Variants in TRRAP observed in about 807,000 individuals in gnomAD.
The protein encoded by TRRAP is transformation/transcription domain-associated protein.
Under a neutral mutation model 438.8 loss-of-function variants are expected in TRRAP, and 41 were observed. The observed-to-expected ratio is 0.09, with a 90% CI of 0.07 to 0.12. TRRAP has a LOEUF of 0.12. Ranked by LOEUF, TRRAP falls within the 10% of genes least tolerant of loss-of-function variation. TRRAP has a pLI of 1.00. For synonymous variants in TRRAP, 1,994 were observed against 1,962.9 expected (o/e 1.02, Z -0.42); for missense variants, 3,122 against 5,055.1 (o/e 0.62, Z 11.60).
chr7:98,939,869 GGTTT>G (rs562222933), intron 30 of TRRAP, among the ~76,000 whole-genome samples: 123 of 152,130 alleles, frequency 8.1e-4, no homozygotes, highest in Middle Eastern at 3.4e-3. Flanking sequence ...AAGCAGCTTT[GGTTT>G]GTTTGTTTAT....
At chr7:98,910,453 T>C in intron 15 of TRRAP, 34 bp downstream of exon 15, 2 of 1,612,880 alleles carry the variant, frequency 1.2e-6, no homozygotes, top group East Asian at 2.2e-5. Context: ...AGACAAACAA[T>C]AGTTTTCATA....
chr7:98,941,039 G>C (rs1270668429), intron 30 of TRRAP, among the ~76,000 whole-genome samples: 1 of 152,062 alleles, frequency 6.6e-6, no homozygotes, highest in Non-Finnish European at 1.5e-5. Flanking sequence ...TTACATTTAG[G>C]TCTTTGGCCC....
chr7:98,955,541 A>G (rs1791560089), intron 41 of TRRAP, among the ~76,000 whole-genome samples: 1 of 152,168 alleles, frequency 6.6e-6, no homozygotes, highest in Non-Finnish European at 1.5e-5. Context: ...TTTCTGTTGT[A>G]AGTACTGTGC....
chr7:98,891,211 T>G (rs5017014), intron 4 of TRRAP, among the ~76,000 whole-genome samples: 1 of 89,322 alleles, frequency 1.1e-5, no homozygotes, highest in Non-Finnish European at 2.4e-5. Context: ...ATATTTTTTT[T>G]TTTTTTTTTT....
In TRRAP at chr7:98,976,518, C is replaced by T. The variant is rs752349032; in HGVS notation, c.7995C>T (p.Ser2665=). The T allele has an allele frequency of 9.3e-6, 15 of 1,612,650 alleles. No homozygotes were observed. In the East Asian group the frequency reaches 2.0e-4, roughly 22 times the overall value. Residue 2665 remains serine (S), a synonymous_variant, in exon 55 of 73, where the codon AGC becomes AGT. Coordinates refer to ENST00000456197, the MANE Select transcript of TRRAP (RefSeq NM_001375524.1). This position sits in a 1 kb window ranked among gnomAD's most constrained non-coding sequence, Gnocchi z 4.6. Reference sequence around the variant, plus strand: ...GTGAGATAAGTCCATTTCTGTGCAGCGGCAGTCACCAGGTGCAGCGGGACT... The same window carrying T: ...GTGAGATAAGTCCATTTCTGTGCAGTGGCAGTCACCAGGTGCAGCGGGACT... ...LAGEISPFLC[S]GSHQVQRDCQ...
chr7:98,885,669 T>A (rs558270674), intron 3 of TRRAP, among the ~76,000 whole-genome samples: 18 of 149,708 alleles, frequency 1.2e-4, no homozygotes, highest in South Asian at 4.2e-4. Flanking sequence ...CTGTTTAAAA[T>A]ATATATATAT....
intron 21 of TRRAP, among the ~76,000 whole-genome samples, chr7:98,923,267 C>T (rs1789884273): frequency 6.6e-6 from 1 of 152,164 alleles, no homozygotes; most frequent in African/African-American, 2.4e-5. Context: ...AGTTTTGCCC[C>T]AAAGCAGCTG....
chr7:98,882,827 T>C (rs1795516706), intron 3 of TRRAP, among the ~76,000 whole-genome samples: 1 of 143,752 alleles, frequency 7.0e-6, no homozygotes, highest in Non-Finnish European at 1.6e-5. Flanking sequence ...CCCGGCTGAT[T>C]TTTGCATTTT....
In TRRAP at chr7:98,976,604, C is replaced by T. The variant is rs370103712; in HGVS notation, c.8081C>T (p.Pro2694Leu). 4 of 1,614,102 alleles carry T rather than the reference C, an allele frequency of 2.5e-6. No homozygotes were observed. Among genetic ancestry groups the T allele is most frequent in the Non-Finnish European group, 3.4e-6 (4 of 1,180,046 alleles). Residue 2694 changes from proline to leucine, a missense_variant, in exon 55 of 73, where the codon CCC becomes CTC. Pro to Leu is a moderately conservative substitution (Grantham distance 98, BLOSUM62 -3). This residue lies in a region of TRRAP where 992 missense variants were observed against 1,281.2 expected (regional missense o/e 0.77). Coordinates refer to ENST00000456197, the MANE Select transcript of TRRAP (RefSeq NM_001375524.1). The surrounding 1 kb of genome is among the most constrained non-coding windows in gnomAD (Gnocchi z 4.6). ...ATGTCCCAGTGCGTGCCGCCAATCC[C>T]CATCCGACCCTGCGTCCTGAAGTAC... ...EAMSQCVPPI[P>L]IRPCVLKYLG... is the part of the protein sequence containing the mutation.
Position 99,005,417 on chromosome 7 carries a change from C to T in TRRAP, c.10753+69C>T, listed in dbSNP as rs935210752. The T allele has an allele frequency of 3.1e-5, 45 of 1,454,668 alleles. No individual in the cohort carries two copies. Among genetic ancestry groups the T allele is most frequent in the Non-Finnish European group, 4.1e-5 (43 of 1,039,058 alleles). The allele number at this position is 1,454,668 out of a possible 1,614,324, so 90.1% of individuals were successfully genotyped here. On this transcript the variant is annotated intron_variant, in intron 69 of 72. Coordinates refer to ENST00000456197, the MANE Select transcript of TRRAP (RefSeq NM_001375524.1). The surrounding 1 kb of genome is among the most constrained non-coding windows in gnomAD (Gnocchi z 5.1). ...ACAGGTGGGGATGAGAGCCACACCTCGTGGGGTGCACAGGCAGCTCACGTT... is the reference window on the plus strand; with the variant it reads ...ACAGGTGGGGATGAGAGCCACACCTTGTGGGGTGCACAGGCAGCTCACGTT...
At chr7:98,960,855 G>C (rs1791859585) in intron 45 of TRRAP, among the ~76,000 whole-genome samples, 1 of 151,890 alleles carries the variant, frequency 6.6e-6, no homozygotes. Context: ...GGCCTCAAGT[G>C]ATCCATCCAC....
chr7:98,885,215 G>A (rs1198138634), intron 3 of TRRAP, among the ~76,000 whole-genome samples: 6 of 151,810 alleles, frequency 4.0e-5, no homozygotes, highest in African/African-American at 1.5e-4. Context: ...GTCCTCCTGA[G>A]TAGCTGGGAC....
intron 20 of TRRAP, among the ~76,000 whole-genome samples, chr7:98,920,901 G>A (rs6945370): frequency 0.15 from 22,941 of 152,002 alleles, 5,408 homozygotes; most frequent in African/African-American, 0.51. Flanking sequence ...GTGCAGTGGC[G>A]CAATCTTGGC....
At chr7:98,967,867 C>G (rs1792226600) in intron 51 of TRRAP, among the ~76,000 whole-genome samples, 169 bp downstream of exon 51, 1 of 152,178 alleles carries the variant, frequency 6.6e-6, no homozygotes, top group Non-Finnish European at 1.5e-5. Flanking sequence ...AAGCGTTCAT[C>G]TAAAGCGTTT....
intron 52 of TRRAP, among the ~76,000 whole-genome samples, chr7:98,970,794 G>A (rs1346433873): frequency 1.3e-5 from 2 of 152,284 alleles, no homozygotes; most frequent in Middle Eastern, 3.4e-3. Context: ...CACAGGGGCT[G>A]GGGCTCTAGT....
chr7:98,930,276 C>G, intron 24 of TRRAP, 70 bp downstream of exon 24: 2 of 1,556,456 alleles, frequency 1.3e-6, no homozygotes, highest in Non-Finnish European at 1.8e-6. Flanking sequence ...CTTCTAGAAA[C>G]TGATAGTTTA....
chr7:98,927,379 G>A lies in TRRAP; in HGVS notation c.3175+13G>A, dbSNP rs782210193. The A allele has an allele frequency of 9.9e-6, 16 of 1,613,324 alleles. No homozygotes were observed. Among genetic ancestry groups the A allele is most frequent in the Admixed American group, 6.7e-5 (4 of 59,958 alleles). Reference sequence around the variant, plus strand: ...GCCCAGCAGTGTGGTGAGCACGGGGGCACGGTGGGGCACGGGATTGGTTCT... The same window carrying A: ...GCCCAGCAGTGTGGTGAGCACGGGGACACGGTGGGGCACGGGATTGGTTCT... On this transcript the variant is annotated intron_variant, in intron 23 of 72. Transcript: ENST00000456197.
intron 58 of TRRAP, among the ~76,000 whole-genome samples, chr7:98,979,790 G>GA (rs569312405): frequency 1.3e-5 from 2 of 152,094 alleles, no homozygotes; most frequent in African/African-American, 4.8e-5. Context: ...TCACTGCTTA[G>GA]AAAAAAACTC....
In TRRAP at chr7:98,948,464, G is replaced by A. The variant is rs1179096326; in HGVS notation, c.4669-102G>A. On this transcript the variant is annotated intron_variant, in intron 34 of 72. Transcript: ENST00000456197. The surrounding 1 kb of genome is among the most constrained non-coding windows in gnomAD (Gnocchi z 4.9). ...ACGTTCGATGTCAACATTTGCTTGT[G>A]GGTGTTCATGCACTCCAGTAACAAG... The A allele has an allele frequency of 3.1e-6, 5 of 1,609,932 alleles. No individual in the cohort carries two copies. The African/African-American group carries it at 5.3e-5, about 17-fold the overall frequency.
Sources: gnomAD v4.1 joint callset for allele counts (sites outside exome capture counted in the v4.1 genomes callset) on GRCh38, gnomAD v4.1.1 for gene constraint, gnomAD v4.1.1 regional missense constraint, Gnocchi (gnomAD v3.1) non-coding constraint, MANE v1.5 for transcripts, NCBI Gene and HGNC (gene_info 2026-07-23, HGNC 2026-07-21) for gene names.